BCAT1: variants seen among roughly 807,000 people sequenced by gnomAD.
BCAT1 encodes branched-chain-amino-acid aminotransferase, cytosolic.
A neutral mutation model predicts 52.4 loss-of-function variants in BCAT1; 48 were observed. That is an observed-to-expected ratio of 0.92 (90% CI 0.73 to 1.16). BCAT1 has a LOEUF of 1.16. Among genes scored for constraint, BCAT1 ranks in the 50% most tolerant of loss-of-function variants. The probability of loss-of-function intolerance (pLI) is 0.00; values close to 1 mark genes in which losing one functional copy is unlikely to be tolerated. For missense variants in BCAT1, 451 were observed against 457.1 expected (o/e 0.99, Z 0.12); for synonymous variants, 167 against 161.3 (o/e 1.04, Z -0.27).
intron 1 of BCAT1, chr12:24,903,078 C>G (rs1243611598): frequency 2.2e-6 from 3 of 1,384,708 alleles, no homozygotes; most frequent in African/African-American, 3.1e-5. Flanking sequence ...GGCCAAGCCC[C>G]GGCGCACGGC....
chr12:24,906,239 G>C (rs2139692457), intron 1 of BCAT1, among the ~76,000 whole-genome samples: 1 of 152,146 alleles, frequency 6.6e-6, no homozygotes, highest in East Asian at 1.9e-4. Flanking sequence ...AAGGATGAGA[G>C]AAGTGCCAAG....
At chr12:24,926,231 G>A (rs1258917050) in intron 1 of BCAT1, among the ~76,000 whole-genome samples, 1 of 151,808 alleles carries the variant, frequency 6.6e-6, no homozygotes, top group African/African-American at 2.4e-5. Context: ...GAGCGCCTCT[G>A]CCCGGCCGCC....
chr12:24,942,783 C>A (rs1252084651), intron 1 of BCAT1, among the ~76,000 whole-genome samples: 1 of 152,180 alleles, frequency 6.6e-6, no homozygotes, highest in Non-Finnish European at 1.5e-5. Flanking sequence ...ACACACACTT[C>A]CAAACTAGTT....
intron 2 of BCAT1, among the ~76,000 whole-genome samples, chr12:24,896,605 A>G (rs932254508): frequency 4.6e-5 from 7 of 152,134 alleles, no homozygotes; most frequent in African/African-American, 1.4e-4. Flanking sequence ...TGTCTCTACT[A>G]AAAATACAAA....
At chr12:24,902,923 C>T in intron 1 of BCAT1, 2 of 1,511,154 alleles carry the variant, frequency 1.3e-6, no homozygotes, top group Non-Finnish European at 8.8e-7. Context: ...TCCCCCCTTC[C>T]GCAAACGCCC....
At chr12:24,886,065 CA>C in intron 3 of BCAT1, among the ~76,000 whole-genome samples, 1 of 152,148 alleles carries the variant, frequency 6.6e-6, no homozygotes, top group Non-Finnish European at 1.5e-5. Flanking sequence ...AAAAAGTGAA[CA>C]AAAAACTTGA....
intron 3 of BCAT1, among the ~76,000 whole-genome samples, chr12:24,885,205 T>G (rs559157593): frequency 6.6e-6 from 1 of 152,296 alleles, no homozygotes; most frequent in East Asian, 1.9e-4. Context: ...CAGATAATAT[T>G]TTGAAATCAT....
chr12:24,849,701 T>A, intron 6 of BCAT1, 85 bp downstream of exon 6: 1 of 1,365,848 alleles, frequency 7.3e-7, no homozygotes, highest in Non-Finnish European at 1.0e-6. Context: ...AAAAGTATTA[T>A]ATGTGTTCAT....
At chr12:24,924,163 A>T (rs7298907) in intron 1 of BCAT1, among the ~76,000 whole-genome samples, 4,677 of 152,268 alleles carry the variant, frequency 0.031, 179 homozygotes, top group African/African-American at 0.093. Context: ...ATTACCAATG[A>T]TTTATTGAAA....
At chr12:24,875,829 A>G (rs1460132574) in intron 5 of BCAT1, among the ~76,000 whole-genome samples, 1 of 152,178 alleles carries the variant, frequency 6.6e-6, no homozygotes, top group Non-Finnish European at 1.5e-5. Flanking sequence ...AGTCTAAAGA[A>G]TTTACTGAAT....
intron 1 of BCAT1, 152 bp from the exon 2 acceptor site, chr12:24,902,037 C>T: frequency 6.4e-7 from 1 of 1,555,700 alleles, no homozygotes; most frequent in Non-Finnish European, 8.6e-7. Context: ...GCACCCAGGC[C>T]CGAACCTCCA....
chr12:24,868,959 T>A lies in BCAT1; in HGVS notation c.510+9571A>T, dbSNP rs151279398. Among the ~76,000 whole-genome samples, 848 of 152,266 alleles carry A rather than the reference T, an allele frequency of 5.6e-3. 2 individuals carry two copies. Among genetic ancestry groups the A allele is most frequent in the Non-Finnish European group, 8.2e-3 (560 of 68,020 alleles). On this transcript the variant is annotated intron_variant, in intron 5 of 10. Coordinates refer to ENST00000261192, the MANE Select transcript of BCAT1 (RefSeq NM_005504.7). Reference sequence around the variant, plus strand: ...TGTGATATATGTATCAAAGGATTTATACCTAGAATATACAAAGATGCAAAA... The same window carrying A: ...TGTGATATATGTATCAAAGGATTTAAACCTAGAATATACAAAGATGCAAAA...
At position 24,855,023 on chromosome 12, in the gene BCAT1, C is replaced by T. The variant is rs187182479; in HGVS notation, c.511-5074G>A. Among the ~76,000 whole-genome samples the T allele has an allele frequency of 9.9e-5, 15 of 152,204 alleles. No individual in the cohort carries two copies. The East Asian group carries it at 2.9e-3, about 29-fold the overall frequency. On this transcript the variant is annotated intron_variant, in intron 5 of 10. Coordinates refer to ENST00000261192, the MANE Select transcript of BCAT1 (RefSeq NM_005504.7). ...TAAAAATAAAGGAACAGCTTGAGTT[C>T]CTTCAAGAGAAAGTCCAGTCATCCT...
chr12:24,899,980 T>A (rs933158988), intron 2 of BCAT1, among the ~76,000 whole-genome samples: 1 of 152,116 alleles, frequency 6.6e-6, no homozygotes, highest in Admixed American at 6.5e-5. Context: ...AGCGATAAAG[T>A]CTACTGTTCA....
rs1338861144 is a variant in BCAT1, at chr12:24,817,994, C to T, written c.*14G>A. The T allele has an allele frequency of 2.5e-6, 4 of 1,611,868 alleles. No homozygotes were observed. Among genetic ancestry groups the T allele is most frequent in the Non-Finnish European group, 3.4e-6 (4 of 1,178,496 alleles). ...TGGTATCCTCTATTTTCCATTGTAT[C>T]CTCTATTTTCCATTCAGGATAGCAC... On this transcript the variant is annotated 3_prime_UTR_variant, in exon 11 of 11. Transcript: ENST00000261192.
chr12:24,941,052 T>G (rs539991447), intron 1 of BCAT1, among the ~76,000 whole-genome samples: 114 of 152,378 alleles, frequency 7.5e-4, no homozygotes, highest in African/African-American at 2.6e-3. Flanking sequence ...CACATGACTT[T>G]GTTCTATATT....
chr12:24,892,588 C>A (rs1942873325), intron 3 of BCAT1, among the ~76,000 whole-genome samples: 1 of 152,198 alleles, frequency 6.6e-6, no homozygotes, highest in African/African-American at 2.4e-5. Context: ...AGCAGTGGCT[C>A]ATGGCTGTCA....
chr12:24,905,087 G>A (rs1026810657), intron 1 of BCAT1, among the ~76,000 whole-genome samples: 2 of 152,324 alleles, frequency 1.3e-5, no homozygotes, highest in South Asian at 4.1e-4. Context: ...AGGAGGGCTG[G>A]AACAAAGGGC....
chr12:24,929,214 G>T (rs1351587942), intron 1 of BCAT1, among the ~76,000 whole-genome samples: 1 of 152,176 alleles, frequency 6.6e-6, no homozygotes, highest in Non-Finnish European at 1.5e-5. Context: ...AACTTCTAAA[G>T]TTCAGAACGC....
Sources: allele counts gnomAD v4.1 joint callset (sites outside exome capture counted in the v4.1 genomes callset), GRCh38; gene constraint gnomAD v4.1.1; transcripts MANE v1.5; gene names NCBI Gene and HGNC (gene_info 2026-07-23, HGNC 2026-07-21).